The following SLC22A8 variants were observed in gnomAD, a reference collection of about 807,000 sequenced individuals.
SLC22A8 encodes the protein solute carrier family 22 member 8.
SLC22A8 carries 40 observed loss-of-function variants against 48.4 expected under a neutral mutation model. The observed-to-expected ratio is 0.83, with a 90% CI of 0.64 to 1.08. The LOEUF is 1.08. SLC22A8 is among the 50% of genes least tolerant of loss of function. SLC22A8 has a pLI of 0.00. For missense variants in SLC22A8, 606 were observed against 699.0 expected, an observed-to-expected ratio of 0.87 and a Z score of 1.50; for synonymous variants, 268 against 286.3, an observed-to-expected ratio of 0.94 and a Z score of 0.65.
Position 62,993,144 on chromosome 11 carries a change from A to T in SLC22A8, c.*93T>A. 1.1e-6 allele frequency: 1 copy of T among 881,844 alleles called. No homozygotes were observed. The highest frequency in any genetic ancestry group is 1.8e-6 in the Non-Finnish European group (1 of 570,318). 54.6% of individuals were successfully genotyped at this position (881,844 alleles called of 1,614,324 possible). A position where few individuals can be genotyped will look rare whatever the true frequency, so the allele number is the denominator to read the frequency against. ...CCAAGCTCTCAGAAGGCTTCATCCT[A>T]GGAGGATGGACCTATATGGGGCCTC... On this transcript the variant is annotated 3_prime_UTR_variant, in exon 11 of 11. Coordinates refer to ENST00000336232, the MANE Select transcript of SLC22A8 (RefSeq NM_004254.4).
chr11:63,005,643 CAA>C (rs1226408684), intron 2 of SLC22A8, among the ~76,000 whole-genome samples: 4 of 152,080 alleles, frequency 2.6e-5, no homozygotes, highest in Admixed American at 6.6e-5. Context: ...TATAAGAAGA[CAA>C]GAGAGAGACA....
At chr11:63,005,193 A>C in intron 2 of SLC22A8, among the ~76,000 whole-genome samples, 1 of 152,268 alleles carries the variant, frequency 6.6e-6, no homozygotes, top group Non-Finnish European at 1.5e-5. Context: ...TGGTTAATGA[A>C]GCACATCAGA....
chr11:63,006,562 A>C (rs746510828), intron 2 of SLC22A8, among the ~76,000 whole-genome samples: 1 of 141,844 alleles, frequency 7.1e-6, no homozygotes, highest in African/African-American at 2.7e-5. Context: ...TGTATTCTGT[A>C]ATCTTGCTGA....
At position 62,994,736 on chromosome 11, in the gene SLC22A8, T is replaced by A. The variant is rs1260373497; in HGVS notation, c.1022A>T (p.Tyr341Phe). Residue 341 changes from tyrosine to phenylalanine, a missense_variant, in exon 8 of 11, where the codon TAC becomes TTC. Physicochemically the swap from Tyr to Phe is conservative, Grantham distance 22 (BLOSUM62 3). Transcript: ENST00000336232. ...TTCCACACCCATAGCCAAACTATAG[T>A]AGGCAAAACCGGTAGCAAACCTGAG... is the stretch of plus-strand genomic sequence containing the variant. ...SLAWFATGFA[Y>F]YSLAMGVEEF... The A allele has an allele frequency of 1.9e-6, 3 of 1,614,126 alleles. No homozygotes were observed. Among genetic ancestry groups the A allele is most frequent in the Admixed American group, 1.7e-5 (1 of 60,022 alleles).
intron 5 of SLC22A8, among the ~76,000 whole-genome samples, chr11:62,996,659 T>C (rs1321381848): frequency 6.6e-6 from 1 of 152,292 alleles, no homozygotes; most frequent in Non-Finnish European, 1.5e-5. Flanking sequence ...AGATTCTCCC[T>C]GCAAAGGACT....
At chr11:62,995,877 G>A in intron 6 of SLC22A8, 58 bp from the exon 7 acceptor site, 1 of 1,514,178 alleles carries the variant, frequency 6.6e-7, no homozygotes, top group East Asian at 2.3e-5. Flanking sequence ...GCAGGACGAA[G>A]AGAGGGAGAT....
intron 5 of SLC22A8, among the ~76,000 whole-genome samples, 158 bp from the exon 6 acceptor site, chr11:62,996,310 C>T (rs964252349): frequency 6.6e-6 from 1 of 152,244 alleles, no homozygotes; most frequent in Admixed American, 6.5e-5. Context: ...ACAAACTCTG[C>T]CCCTGGGCTG....
In SLC22A8 at chr11:63,014,621, C is replaced by A; in HGVS notation, c.333+5G>T. The stretch of plus-strand genomic sequence containing the variant: ...AGTGGAGGGAGAGGGTTTGCCCAGG[C>A]ATACCTCTGTCACAATGGAGTCCTT... On this transcript the variant is annotated splice_donor_5th_base_variant and intron_variant, in intron 2 of 10. Transcript: ENST00000336232. 6.3e-7 allele frequency: 1 copy of A among 1,578,832 alleles called. No homozygotes were observed.
intron 2 of SLC22A8, 49 bp from the exon 3 acceptor site, chr11:63,000,872 C>T (rs2086485896): frequency 7.3e-7 from 1 of 1,361,448 alleles, no homozygotes; most frequent in Non-Finnish European, 1.1e-6. Flanking sequence ...AGACAGCCTG[C>T]TCAGCCATGC....
intron 4 of SLC22A8, 148 bp downstream of exon 4, chr11:62,999,540 T>C (rs1565296925): frequency 5.2e-6 from 3 of 574,048 alleles, no homozygotes; most frequent in East Asian, 5.9e-5. Flanking sequence ...TTTTTAAATT[T>C]AAGTGAGGCC....
intron 3 of SLC22A8, among the ~76,000 whole-genome samples, chr11:63,000,475 A>G (rs1480499941): frequency 7.1e-6 from 1 of 141,540 alleles, no homozygotes. Context: ...TAAGAGTGAG[A>G]CTCCGTCTTA....
rs1437107015 is a variant in SLC22A8 at position 62,993,826 on chromosome 11, G to C, written c.1269C>G (p.Ser423=). The C allele has an allele frequency of 1.2e-6, 2 of 1,613,942 alleles. No homozygotes were observed. The highest frequency in any genetic ancestry group is 1.7e-6 in the Non-Finnish European group (2 of 1,179,824). The change falls in exon 9 of 11, where the codon TCC becomes TCG. Residue 423 remains serine (S), a synonymous_variant. Coordinates refer to ENST00000336232, the MANE Select transcript of SLC22A8 (RefSeq NM_004254.4). ...VLAVFGKGCL[S]SSFSCLFLYT... is the part of the protein sequence containing the mutation. ...AGAGGAAGAGGCAGCTGAAGGAGCTGGATAGGCATCCCTTCCCAAACACAG... is the reference window on the plus strand; with the variant it reads ...AGAGGAAGAGGCAGCTGAAGGAGCTCGATAGGCATCCCTTCCCAAACACAG...
At chr11:63,015,029 A>G (rs2135151521) in intron 1 of SLC22A8, 46 bp from the exon 2 acceptor site, 1 of 1,342,160 alleles carries the variant, frequency 7.5e-7, no homozygotes. Flanking sequence ...TGTGCCTGGT[A>G]GTGCGTGGGT....
Position 62,994,937 on chromosome 11 carries a change from G to A in SLC22A8, c.1002-181C>T. On this transcript the variant is annotated intron_variant, in intron 7 of 10. Transcript: ENST00000336232. ...GATCGTGTCTGGGCTCAGGGAGAAA[G>A]TGCTGTGATTGACTGGTCATGTCTG... The A allele has an allele frequency of 4.7e-6, 3 of 634,540 alleles. No individual in the cohort carries two copies. In the Admixed American group the frequency reaches 7.1e-5, roughly 15 times the overall value. The allele number at this position is 634,540 out of a possible 1,614,324, so 39.3% of individuals were successfully genotyped here. A position where few individuals can be genotyped will look rare whatever the true frequency, so the allele number is the denominator to read the frequency against.
rs755445118 is a variant in SLC22A8 at position 62,993,772 on chromosome 11, G to C, written c.1323C>G (p.Ile441Met). The change falls in exon 9 of 11, where the codon ATC becomes ATG. Residue 441 changes from isoleucine to methionine, a missense_variant and splice_region_variant. By Grantham distance (10) the Ile-to-Met change is conservative. Coordinates refer to ENST00000336232, the MANE Select transcript of SLC22A8 (RefSeq NM_004254.4). ...LYTSELYPTVIRQTGMGVSNL... is the reference protein window; with the variant it reads ...LYTSELYPTVMRQTGMGVSNL... Reference sequence around the variant, plus strand: ...CTGGCCCCAGGTCCAGCACCTACCTGATGACTGTGGGGTATAATTCACTTG... The same window carrying C: ...CTGGCCCCAGGTCCAGCACCTACCTCATGACTGTGGGGTATAATTCACTTG... 1 of 1,610,878 alleles carries C rather than the reference G, an allele frequency of 6.2e-7. No homozygotes were observed.
intron 6 of SLC22A8, 54 bp downstream of exon 6, chr11:62,995,975 C>T (rs1489891300): frequency 6.2e-7 from 1 of 1,613,062 alleles, no homozygotes; most frequent in Non-Finnish European, 8.5e-7. Context: ...GAGGGGCCAG[C>T]CCAAGAGTGG....
rs750202195 is a variant in SLC22A8, at chr11:62,996,011, A to G, written c.885+18T>C. The G allele has an allele frequency of 3.1e-6, 5 of 1,614,092 alleles. No homozygotes were observed. The South Asian group carries it at 3.3e-5, about 11-fold the overall frequency. On this transcript the variant is annotated intron_variant, in intron 6 of 10. Coordinates refer to ENST00000336232, the MANE Select transcript of SLC22A8 (RefSeq NM_004254.4). The stretch of plus-strand genomic sequence containing the variant: ...AGCACAGGGGTTCTGCTCCCAGACT[A>G]TAGTCCTCAGCCCCTACCTCCAAGC...
At chr11:63,011,218 C>T (rs762626623) in intron 2 of SLC22A8, among the ~76,000 whole-genome samples, 55 of 152,312 alleles carry the variant, frequency 3.6e-4, no homozygotes, top group Non-Finnish European at 6.3e-4. Context: ...CTGTATGAAA[C>T]GTGAGGCCTT....
chr11:62,995,466 G>C (rs1287390653), intron 7 of SLC22A8: 1 of 560,968 alleles, frequency 1.8e-6, no homozygotes, highest in Non-Finnish European at 3.2e-6. Flanking sequence ...CATTTGTCCT[G>C]TGGGTGAGGG....
Sources: gnomAD v4.1 joint callset for allele counts (sites outside exome capture counted in the v4.1 genomes callset) on GRCh38, gnomAD v4.1.1 for gene constraint, MANE v1.5 for transcripts, NCBI Gene and HGNC (gene_info 2026-07-23, HGNC 2026-07-21) for gene names.